The following DOCK1 variants were observed in gnomAD, a reference collection of about 807,000 sequenced individuals.
DOCK1 encodes dedicator of cytokinesis protein 1.
In DOCK1, 138 loss-of-function variants were observed where a neutral mutation model predicts 262.7. The ratio of observed to expected loss-of-function variants is 0.53; its 90% CI spans 0.46 to 0.61. The LOEUF is 0.61. Ranked by LOEUF, DOCK1 falls within the 20% of genes least tolerant of loss-of-function variation. The pLI is 0.00. For synonymous variants in DOCK1, 866 were observed against 867.4 expected, an observed-to-expected ratio of 1.00 and a Z score of 0.03; for missense variants, 1,908 against 2,370.7, an observed-to-expected ratio of 0.80 and a Z score of 4.05.
intron 16 of DOCK1, 88 bp downstream of exon 16, chr10:127,026,512 C>G: frequency 8.2e-7 from 1 of 1,215,534 alleles, no homozygotes; most frequent in Non-Finnish European, 1.2e-6. Context: ...TGTTCTGGAA[C>G]TCGCTATCAT....
intron 29 of DOCK1, among the ~76,000 whole-genome samples, chr10:127,314,821 G>C (rs74158660): frequency 0.02 from 3,029 of 152,292 alleles, 101 homozygotes; most frequent in African/African-American, 0.068. Context: ...CCTCCTAGGG[G>C]AGGCAGGGGG....
At chr10:126,988,909 C>A (rs1353359507) in intron 5 of DOCK1, among the ~76,000 whole-genome samples, 1 of 151,972 alleles carries the variant, frequency 6.6e-6, no homozygotes, top group Non-Finnish European at 1.5e-5. Flanking sequence ...CCCGTCCCTA[C>A]TAAAAATACA....
chr10:126,934,093 A>G (rs1444530688), intron 1 of DOCK1, among the ~76,000 whole-genome samples: 3 of 151,938 alleles, frequency 2.0e-5, no homozygotes, highest in Non-Finnish European at 4.4e-5. Context: ...CTGGGATTAC[A>G]TGTGTTATCC....
chr10:127,330,844 C>T (rs1329448788), intron 29 of DOCK1, among the ~76,000 whole-genome samples: 1 of 152,184 alleles, frequency 6.6e-6, no homozygotes, highest in Admixed American at 6.5e-5. Flanking sequence ...GTGATTGAGC[C>T]ATGCCTCTTC....
intron 22 of DOCK1, among the ~76,000 whole-genome samples, chr10:127,053,280 TGCAGC>T (rs1042700867): frequency 6.6e-6 from 1 of 152,200 alleles, no homozygotes; most frequent in African/African-American, 2.4e-5. Context: ...AGGCGGAGCT[TGCAGC>T]GAGCGGAGAT....
intron 29 of DOCK1, among the ~76,000 whole-genome samples, chr10:127,297,972 G>A (rs1173206545): frequency 6.6e-6 from 1 of 152,028 alleles, no homozygotes; most frequent in East Asian, 1.9e-4. Flanking sequence ...ATCTTGAGGG[G>A]AAACAAACAG....
At chr10:127,016,773 CACAG>C (rs2041935329) in intron 12 of DOCK1, among the ~76,000 whole-genome samples, 1 of 103,212 alleles carries the variant, frequency 9.7e-6, no homozygotes, top group Non-Finnish European at 2.0e-5. Context: ...ACACCACAAA[CACAG>C]ACACACGCGC....
intron 12 of DOCK1, among the ~76,000 whole-genome samples, chr10:127,015,329 G>A (rs531896901): frequency 6.6e-6 from 1 of 151,650 alleles, no homozygotes; most frequent in African/African-American, 2.4e-5. Context: ...TCCCAGCATC[G>A]GCCCTCTCCC....
At chr10:127,349,588 T>A (rs2063790920) in intron 31 of DOCK1, among the ~76,000 whole-genome samples, 1 of 152,168 alleles carries the variant, frequency 6.6e-6, no homozygotes, top group Non-Finnish European at 1.5e-5. Flanking sequence ...TAAAGGGCCA[T>A]CATATCCATT....
chr10:127,303,827 C>G (rs1236835479), intron 29 of DOCK1, among the ~76,000 whole-genome samples: 1 of 152,142 alleles, frequency 6.6e-6, no homozygotes, highest in East Asian at 1.9e-4. Context: ...CCACTGTACT[C>G]CAGCCTGGGC....
At position 127,176,045 on chromosome 10, in the gene DOCK1, C is replaced by A; in HGVS notation, c.2847+48281C>A. 1 of 1,614,100 alleles carries A rather than the reference C, an allele frequency of 6.2e-7. No homozygotes were observed. Among genetic ancestry groups the A allele is most frequent in the Non-Finnish European group, 8.5e-7 (1 of 1,180,038 alleles). Reference sequence around the variant, plus strand: ...TCCCCTTTTTGCGGTCCAGAGGGAACGTCTGGTAACACTTCTTAAGGTCGG... The same window carrying A: ...TCCCCTTTTTGCGGTCCAGAGGGAAAGTCTGGTAACACTTCTTAAGGTCGG... On this transcript the variant is annotated intron_variant, in intron 27 of 51. Transcript: ENST00000623213. This position sits in a 1 kb window ranked among gnomAD's most constrained non-coding sequence, Gnocchi z 4.4.
chr10:127,327,119 A>G (rs1005637905), intron 29 of DOCK1, among the ~76,000 whole-genome samples: 2 of 152,242 alleles, frequency 1.3e-5, no homozygotes, highest in African/African-American at 4.8e-5. Flanking sequence ...TGTTCAGAAT[A>G]ACAAATAAGC....
chr10:127,305,111 T>C (rs757636269), intron 29 of DOCK1, among the ~76,000 whole-genome samples: 21 of 151,572 alleles, frequency 1.4e-4, no homozygotes, highest in Non-Finnish European at 2.8e-4. Flanking sequence ...CCCAGTCTAA[T>C]TTTGCATATT....
chr10:127,411,053 T>A, intron 43 of DOCK1, 129 bp downstream of exon 43: 1 of 907,818 alleles, frequency 1.1e-6, no homozygotes, highest in Non-Finnish European at 1.6e-6. Flanking sequence ...GTGTATTATG[T>A]GCAGAAATCT....
intron 1 of DOCK1, among the ~76,000 whole-genome samples, chr10:126,952,334 G>T: frequency 1.6e-5 from 2 of 126,358 alleles, no homozygotes; most frequent in Admixed American, 1.5e-4. Context: ...TGGTTGTATT[G>T]TTGGTGATGG....
At chr10:127,257,062 A>AGG in intron 28 of DOCK1, among the ~76,000 whole-genome samples, 1 of 152,328 alleles carries the variant, frequency 6.6e-6, no homozygotes, top group Middle Eastern at 3.4e-3. Context: ...GCCTATTCCT[A>AGG]ACCTTTGGGG....
intron 27 of DOCK1, among the ~76,000 whole-genome samples, chr10:127,151,691 G>C (rs2052500331): frequency 6.6e-6 from 1 of 152,172 alleles, no homozygotes; most frequent in Non-Finnish European, 1.5e-5. Flanking sequence ...CATTTTCCCT[G>C]CTCGTATGAG....
intron 45 of DOCK1, among the ~76,000 whole-genome samples, chr10:127,419,016 T>C (rs2068334490): frequency 1.3e-5 from 2 of 152,224 alleles, no homozygotes; most frequent in Admixed American, 1.3e-4. Flanking sequence ...CCTGTGTTTG[T>C]AACTGCAGTT....
At chr10:127,340,133 A>G (rs892455479) in intron 30 of DOCK1, among the ~76,000 whole-genome samples, 16 of 152,192 alleles carry the variant, frequency 1.1e-4, no homozygotes, top group South Asian at 4.1e-4. Context: ...ATAATAATAT[A>G]TCAGGTGCCA....
Sources: gnomAD v4.1 joint callset for allele counts (sites outside exome capture counted in the v4.1 genomes callset) on GRCh38, gnomAD v4.1.1 for gene constraint, Gnocchi (gnomAD v3.1) non-coding constraint, MANE v1.5 for transcripts, NCBI Gene and HGNC (gene_info 2026-07-23, HGNC 2026-07-21) for gene names.